The following FNBP1 variants were observed in gnomAD, a reference collection of about 807,000 sequenced individuals.
The protein encoded by FNBP1 is formin-binding protein 1.
Under a neutral mutation model 90.6 loss-of-function variants are expected in FNBP1, and 26 were observed. That is an observed-to-expected ratio of 0.29 (90% confidence interval 0.21 to 0.40). FNBP1 has a LOEUF of 0.40. Among genes scored for constraint, FNBP1 ranks in the 10% least tolerant of loss-of-function variants. The pLI is 1.00. For synonymous variants in FNBP1, 260 were observed against 265.2 expected, an observed-to-expected ratio of 0.98 and a Z score of 0.19; for missense variants, 635 against 768.0, an observed-to-expected ratio of 0.83 and a Z score of 2.05.
At chr9:129,945,298 C>T (rs558828460) in intron 6 of FNBP1, among the ~76,000 whole-genome samples, 1 of 152,060 alleles carries the variant, frequency 6.6e-6, no homozygotes, top group Non-Finnish European at 1.5e-5. Flanking sequence ...CAATAAAAAG[C>T]ATTTGAAACT....
At chr9:129,924,676 C>G (rs1351786171) in intron 9 of FNBP1, among the ~76,000 whole-genome samples, 1 of 152,072 alleles carries the variant, frequency 6.6e-6, no homozygotes, top group Non-Finnish European at 1.5e-5. Context: ...AACCAGCAGT[C>G]TAGGAGAGGA....
At chr9:129,953,772 A>T (rs1180880212) in intron 6 of FNBP1, among the ~76,000 whole-genome samples, 1 of 151,838 alleles carries the variant, frequency 6.6e-6, no homozygotes, top group East Asian at 1.9e-4. Flanking sequence ...AGAACTTTTT[A>T]AAAGGGTAAT....
At chr9:129,972,237 G>A (rs1474003229) in intron 4 of FNBP1, among the ~76,000 whole-genome samples, 3 of 152,020 alleles carry the variant, frequency 2.0e-5, no homozygotes, top group Non-Finnish European at 4.4e-5. Context: ...GGGTTCAAGC[G>A]ATTCTCCTGC....
rs147176296 is a variant in FNBP1, at chr9:129,916,014, TAGAG to T, written c.1171-38_1171-35del. On this transcript the variant is annotated intron_variant, in intron 10 of 16. Transcript: ENST00000446176. ...AAAAATTGGAGAGGTATGGGAAAAA[TAGAG>T]AGAAAGAGAGAGAGAAAGAGAAAAA... 1.7e-3 allele frequency: 2,627 copies of T among 1,547,976 alleles called. 37 individuals carry two copies. The African/African-American group carries it at 0.031, about 18-fold the overall frequency.
intron 1 of FNBP1, among the ~76,000 whole-genome samples, chr9:130,015,731 T>C (rs561187932): frequency 2.2e-4 from 34 of 152,324 alleles, no homozygotes; most frequent in Admixed American, 8.5e-4. Context: ...CTGGAATGCA[T>C]TGGCACAATT....
chr9:129,931,551 A>G (rs920692134), intron 6 of FNBP1, among the ~76,000 whole-genome samples: 4 of 152,024 alleles, frequency 2.6e-5, no homozygotes, highest in African/African-American at 9.7e-5. Context: ...GCTTGCAATG[A>G]GCCGAGATCG....
chr9:129,914,755 G>GTGTATATGTATATATA (rs71499203), intron 11 of FNBP1, among the ~76,000 whole-genome samples: 1 of 98,434 alleles, frequency 1.0e-5, no homozygotes, highest in Non-Finnish European at 2.1e-5. Context: ...ACATACATAT[G>GTGTATATGTATATATA]TCTATATATA....
chr9:129,901,869 G>A (rs1008555380), intron 13 of FNBP1, among the ~76,000 whole-genome samples: 15 of 152,186 alleles, frequency 9.9e-5, no homozygotes, highest in African/African-American at 2.7e-4. Context: ...GTGAGATCAC[G>A]CTACTACACT....
chr9:130,007,738 C>T (rs1246675269), intron 1 of FNBP1, among the ~76,000 whole-genome samples: 3 of 151,968 alleles, frequency 2.0e-5, no homozygotes, highest in African/African-American at 7.3e-5. Flanking sequence ...ATTTTAAGGC[C>T]GGCGTGGTGG....
chr9:130,027,685 C>T (rs776028533), intron 1 of FNBP1, among the ~76,000 whole-genome samples: 3 of 152,056 alleles, frequency 2.0e-5, no homozygotes, highest in Non-Finnish European at 4.4e-5. Context: ...TGGGGGGACC[C>T]AACTGCTGGG....
chr9:129,925,588 G>GTTTT, intron 8 of FNBP1, among the ~76,000 whole-genome samples: 1 of 101,438 alleles, frequency 9.9e-6, no homozygotes, highest in African/African-American at 3.9e-5. Context: ...TTTCCTAGTA[G>GTTTT]CTTTTTTTTT....
chr9:129,955,560 T>C (rs1357371525), intron 6 of FNBP1, among the ~76,000 whole-genome samples: 1 of 151,526 alleles, frequency 6.6e-6, no homozygotes, highest in Non-Finnish European at 1.5e-5. Flanking sequence ...AATTATTTAT[T>C]TAGAGACAGG....
intron 6 of FNBP1, among the ~76,000 whole-genome samples, chr9:129,945,727 T>C (rs192308021): frequency 1.8e-3 from 270 of 152,352 alleles, no homozygotes; most frequent in African/African-American, 6.3e-3. Context: ...CCTAAACTAC[T>C]AAATTTCGTT....
At chr9:129,954,511 A>C (rs2046628230) in intron 6 of FNBP1, among the ~76,000 whole-genome samples, 1 of 152,140 alleles carries the variant, frequency 6.6e-6, no homozygotes, top group Admixed American at 6.6e-5. Flanking sequence ...AATACATCAT[A>C]ATCTAGTTGA....
At position 129,957,092 on chromosome 9, in the gene FNBP1, C is replaced by A. The variant is rs113054539; in HGVS notation, c.513+268G>T. 0.024 allele frequency among the ~76,000 whole-genome samples: 3,630 copies of A among 149,814 alleles called. 61 individuals carry two copies. Among genetic ancestry groups the A allele is most frequent in the Non-Finnish European group, 0.036 (2,458 of 67,776 alleles). Reference sequence around the variant, plus strand: ...CGCTCTTGTTACCCAGGCTGGAGTGCAGTGGCGTGATCTTGGCTCACTGCA... The same window carrying A: ...CGCTCTTGTTACCCAGGCTGGAGTGAAGTGGCGTGATCTTGGCTCACTGCA... On this transcript the variant is annotated intron_variant, in intron 6 of 16. Transcript: ENST00000446176. The surrounding 1 kb of genome is among the most constrained non-coding windows in gnomAD (Gnocchi z 4.3).
chr9:129,949,601 C>A (rs954206817), intron 6 of FNBP1, among the ~76,000 whole-genome samples: 1 of 152,026 alleles, frequency 6.6e-6, no homozygotes, highest in East Asian at 1.9e-4. Context: ...TTGGCTCACA[C>A]CTGCATTGCC....
chr9:130,053,837 GC>G, the FNBP1 span: 1 of 1,217,856 alleles, frequency 8.2e-7, no homozygotes, highest in East Asian at 2.6e-5. Flanking sequence ...AGCGGAGCTA[GC>G]CGCCGAGCCC....
intron 6 of FNBP1, among the ~76,000 whole-genome samples, chr9:129,951,907 T>C (rs2046234062): frequency 6.6e-6 from 1 of 152,018 alleles, no homozygotes; most frequent in African/African-American, 2.4e-5. Context: ...ACAAACAAGC[T>C]AAGGCTGGGT....
chr9:129,958,048 T>C (rs529548630), intron 5 of FNBP1, among the ~76,000 whole-genome samples: 2 of 152,336 alleles, frequency 1.3e-5, no homozygotes, highest in South Asian at 4.1e-4. Context: ...GAAAAATCTA[T>C]AAAGATGTTT....
Sources: allele counts gnomAD v4.1 joint callset (sites outside exome capture counted in the v4.1 genomes callset), GRCh38; gene constraint gnomAD v4.1.1; non-coding constraint Gnocchi (gnomAD v3.1); transcripts MANE v1.5; gene names NCBI Gene and HGNC (gene_info 2026-07-23, HGNC 2026-07-21).